Variants in MGAM2 observed in about 807,000 individuals in gnomAD.
MGAM2 encodes the protein maltase-glucoamylase 2 (putative), also known as probable maltase-glucoamylase 2.
Under a neutral mutation model 96.1 loss-of-function variants are expected in MGAM2, and 98 were observed. That is an observed-to-expected ratio of 1.02 (90% confidence interval 0.87 to 1.21). MGAM2 has a LOEUF of 1.21. MGAM2 is among the 50% of genes most tolerant of loss of function. The probability of loss-of-function intolerance (pLI) is 0.00; values close to 1 mark genes in which losing one functional copy is unlikely to be tolerated. For missense variants in MGAM2, 2,055 were observed against 1,182.4 expected, an observed-to-expected ratio of 1.74 and a Z score of -10.82; for synonymous variants, 749 against 414.8, an observed-to-expected ratio of 1.81 and a Z score of -9.79.
At chr7:142,216,664 A>G (rs1342577265) in intron 46 of MGAM2, among the ~76,000 whole-genome samples, 1 of 152,196 alleles carries the variant, frequency 6.6e-6, no homozygotes, top group Admixed American at 6.5e-5. Context: ...AGGAAATTTA[A>G]AAATCAACTC....
chr7:142,129,557 G>T (rs1226050827), intron 3 of MGAM2, among the ~76,000 whole-genome samples: 1 of 151,944 alleles, frequency 6.6e-6, no homozygotes, highest in Non-Finnish European at 1.5e-5. Flanking sequence ...AGGCGCGGTG[G>T]CTCATGCCTG....
At position 142,147,502 on chromosome 7, in the gene MGAM2, GGAGTTTCAT is replaced by G. The variant is rs1563259890; in HGVS notation, c.1565_1573del (p.Glu522_His524del). On this transcript the variant is annotated inframe_deletion, in exon 15 of 48. Coordinates refer to ENST00000477922, the MANE Select transcript of MGAM2 (RefSeq NM_001293626.2). ...TTGCAAGAACTCTCTGCATGGACAC[GGAGTTTCAT>G]GGGGGCCTTCATTATGACATCCACA... 1.4e-6 allele frequency: 1 copy of G among 702,680 alleles called. No individual in the cohort carries two copies. The highest frequency in any genetic ancestry group is 1.7e-5 in the African/African-American group (1 of 57,224). 43.5% of individuals were successfully genotyped at this position (702,680 alleles called of 1,614,324 possible).
At chr7:142,145,434 A>T in intron 14 of MGAM2, among the ~76,000 whole-genome samples, 1 of 146,496 alleles carries the variant, frequency 6.8e-6, no homozygotes, top group East Asian at 2.0e-4. Context: ...CTCTCTGATC[A>T]TTTACAACAG....
rs1797901557 is a variant in MGAM2, at chr7:142,220,751, T to G, written c.6240T>G (p.Asn2080Lys). The part of the protein sequence containing the change: ...ADANTSNTVP[N>K]TTMPSPTSST... Reference sequence around the variant, plus strand: ...CTAACACTAGTAATACTGTTCCTAATACCACTATGCCTTCTCCTACAAGTA... The same window carrying G: ...CTAACACTAGTAATACTGTTCCTAAGACCACTATGCCTTCTCCTACAAGTA... The change falls in exon 48 of 48, where the codon AAT (asparagine) becomes AAG (lysine). Residue 2080 changes from asparagine to lysine, a missense_variant. Asn to Lys is a moderately conservative substitution (Grantham distance 94). Transcript: ENST00000477922. 1.4e-6 allele frequency: 1 copy of G among 702,100 alleles called. No homozygotes were observed. The highest frequency in any genetic ancestry group is 1.8e-5 in the African/African-American group (1 of 57,118). The allele number at this position is 702,100 out of a possible 1,614,324, so 43.5% of individuals were successfully genotyped here.
At chr7:142,192,795 G>A (rs542640113) in intron 37 of MGAM2, among the ~76,000 whole-genome samples, 8 of 152,182 alleles carry the variant, frequency 5.3e-5, no homozygotes, top group Non-Finnish European at 8.8e-5. Flanking sequence ...ATGGGTGCTC[G>A]TTTCTTCATG....
intron 28 of MGAM2, 31 bp from the exon 29 acceptor site, chr7:142,172,067 T>C (rs766422083): frequency 4.4e-6 from 3 of 685,194 alleles, no homozygotes; most frequent in African/African-American, 1.8e-5. Flanking sequence ...TCTTGCATTT[T>C]CTTTTTGTTT....
chr7:142,115,597 G>C (rs1050955676), intron 1 of MGAM2, among the ~76,000 whole-genome samples: 1 of 152,154 alleles, frequency 6.6e-6, no homozygotes, highest in Non-Finnish European at 1.5e-5. Context: ...TGTAATCCCA[G>C]CACTTTGGGA....
chr7:142,198,633 A>G lies in MGAM2; in HGVS notation c.4942A>G (p.Thr1648Ala). Residue 1648 changes from threonine (T) to alanine (A), a missense_variant, in exon 44 of 48, where the codon ACA becomes GCA. By Grantham distance (58) the Thr-to-Ala change is moderately conservative. Coordinates refer to ENST00000477922, the MANE Select transcript of MGAM2 (RefSeq NM_001293626.2). ...DYSTGTSSTS[T>A]GQRKILKAPL... ...TTTCTAGGGAACTAGCAGCACATCAACAGGTCAGAGGAAAATCCTGAAGGC... is the reference window on the plus strand; with the variant it reads ...TTTCTAGGGAACTAGCAGCACATCAGCAGGTCAGAGGAAAATCCTGAAGGC... The G allele has an allele frequency of 1.4e-6, 1 of 703,120 alleles. No homozygotes were observed. The highest frequency in any genetic ancestry group is 2.6e-6 in the Non-Finnish European group (1 of 384,954). The allele number at this position is 703,120 out of a possible 1,614,324, so 43.6% of individuals were successfully genotyped here.
At position 142,120,303 on chromosome 7, in the gene MGAM2, T is replaced by G; in HGVS notation, c.108T>G (p.Asp36Glu). 1 of 703,084 alleles carries G rather than the reference T, an allele frequency of 1.4e-6. No homozygotes were observed. The highest frequency in any genetic ancestry group is 2.6e-6 in the Non-Finnish European group (1 of 384,950). 43.6% of individuals were successfully genotyped at this position (703,084 alleles called of 1,614,324 possible). A position where few individuals can be genotyped will look rare whatever the true frequency, so the allele number is the denominator to read the frequency against. Residue 36 changes from aspartate (D) to glutamate (E), a missense_variant and splice_region_variant, in exon 3 of 48, where the codon GAT becomes GAG. Transcript: ENST00000477922. ...LLLLVLEETSDTSFTPECPEI... is the reference protein window; with the variant it reads ...LLLLVLEETSETSFTPECPEI... ...CTTTATCCTTTAATTCCTATGCAGA[T>G]ACTTCATTTACTCCAGAGTGCCCAG... is the stretch of plus-strand genomic sequence containing the variant.
At chr7:142,204,253 T>G in intron 45 of MGAM2, among the ~76,000 whole-genome samples, 1 of 152,122 alleles carries the variant, frequency 6.6e-6, no homozygotes, top group Non-Finnish European at 1.5e-5. Flanking sequence ...ATTTTAAATA[T>G]ATTTTAAATT....
rs953670753 is a variant in MGAM2, at chr7:142,219,098, C to G, written c.5358+567C>G. Among the ~76,000 whole-genome samples the G allele has an allele frequency of 3.3e-5, 5 of 152,050 alleles. No individual in the cohort carries two copies. In the South Asian group the frequency reaches 1.0e-3, roughly 32 times the overall value. On this transcript the variant is annotated intron_variant, in intron 47 of 47. Transcript: ENST00000477922. ...CTAGAGGATTCTAGAATCAACTAAA[C>G]CAGAATTTTGGAAGATGAAATACCA...
intron 46 of MGAM2, among the ~76,000 whole-genome samples, chr7:142,217,034 C>G (rs1797783685): frequency 6.6e-6 from 1 of 152,150 alleles, no homozygotes; most frequent in Admixed American, 6.5e-5. Flanking sequence ...TAAATCCTTC[C>G]CATGCTTACC....
chr7:142,221,849 A>T lies in MGAM2; in HGVS notation c.7338A>T (p.Ile2446=). 2.5e-6 allele frequency: 1 copy of T among 400,372 alleles called. No individual in the cohort carries two copies. 24.8% of individuals were successfully genotyped at this position (400,372 alleles called of 1,614,324 possible). ...ATCTCACAACAGCCTCAGTCACAAT[A>T]ACAGCCACTGGTCTAGATTCACAAA... is the stretch of plus-strand genomic sequence containing the variant. ...VSNLTTASVT[I]TATGLDSQTP... is the part of the protein sequence containing the mutation. Residue 2446 remains isoleucine, a synonymous_variant, in exon 48 of 48, where the codon ATA becomes ATT. Transcript: ENST00000477922.
chr7:142,130,967 A>G lies in MGAM2; in HGVS notation c.206A>G (p.Tyr69Cys), dbSNP rs1308047919. 4.3e-6 allele frequency: 3 copies of G among 702,650 alleles called. No individual in the cohort carries two copies. The highest frequency in any genetic ancestry group is 2.0e-5 in the Admixed American group (1 of 49,998). The allele number at this position is 702,650 out of a possible 1,614,324, so 43.5% of individuals were successfully genotyped here. Residue 69 changes from tyrosine to cysteine, a missense_variant, in exon 4 of 48, where the codon TAT (tyrosine) becomes TGT (cysteine). Tyr to Cys is a radical substitution (Grantham distance 194). Coordinates refer to ENST00000477922, the MANE Select transcript of MGAM2 (RefSeq NM_001293626.2). ...EVTEDICRWQYKCCWSPVADA... is the reference protein window; with the variant it reads ...EVTEDICRWQCKCCWSPVADA... ...TTACAGGATATCTGCAGATGGCAAT[A>G]TAAGTGCTGCTGGTCGCCTGTGGCA...
chr7:142,211,164 C>T (rs1797571258), intron 46 of MGAM2, among the ~76,000 whole-genome samples: 1 of 152,124 alleles, frequency 6.6e-6, no homozygotes, highest in African/African-American at 2.4e-5. Context: ...AAAGGATGAC[C>T]ATGCAAAAAA....
chr7:142,163,359 G>C (rs564773426), intron 23 of MGAM2, among the ~76,000 whole-genome samples: 2 of 152,332 alleles, frequency 1.3e-5, no homozygotes, highest in South Asian at 4.1e-4. Flanking sequence ...TCAGCCCACT[G>C]CAACCTCCGC....
chr7:142,205,414 T>C (rs1304942423), intron 45 of MGAM2, among the ~76,000 whole-genome samples: 1 of 152,132 alleles, frequency 6.6e-6, no homozygotes, highest in African/African-American at 2.4e-5. Flanking sequence ...CAGCACCATT[T>C]TACATCTCAA....
intron 10 of MGAM2, among the ~76,000 whole-genome samples, chr7:142,140,254 A>G (rs945981584): frequency 1.3e-5 from 2 of 152,202 alleles, no homozygotes; most frequent in Non-Finnish European, 2.9e-5. Context: ...TTGCTCACTA[A>G]GAATAACACC....
At chr7:142,192,146 T>TGG (rs1426899775) in intron 37 of MGAM2, among the ~76,000 whole-genome samples, 1 of 152,148 alleles carries the variant, frequency 6.6e-6, no homozygotes, top group Non-Finnish European at 1.5e-5. Context: ...TATTTGATTT[T>TGG]GGGCTATCAA....
Sources: allele counts gnomAD v4.1 joint callset (sites outside exome capture counted in the v4.1 genomes callset), GRCh38; gene constraint gnomAD v4.1.1; transcripts MANE v1.5; gene names NCBI Gene and HGNC (gene_info 2026-07-23, HGNC 2026-07-21).